The following HIVEP1 variants were observed in gnomAD, a reference collection of about 807,000 sequenced individuals.
The protein encoded by HIVEP1 is HIVEP zinc finger 1, also known as zinc finger protein 40.
HIVEP1 carries 36 observed loss-of-function variants against 180.0 expected under a neutral mutation model. That is an observed-to-expected ratio of 0.20 (90% CI 0.15 to 0.26). The LOEUF (loss-of-function observed/expected upper bound fraction) is 0.26. Among genes scored for constraint, HIVEP1 ranks in the 10% least tolerant of loss-of-function variants. The pLI, the probability that HIVEP1 is intolerant of heterozygous loss-of-function variation, is 1.00. For missense variants in HIVEP1, 3,143 were observed against 3,268.7 expected (o/e 0.96, Z 0.94); for synonymous variants, 1,239 against 1,239.0 (o/e 1.00, Z 0.00).
intron 7 of HIVEP1, among the ~76,000 whole-genome samples, chr6:12,159,850 G>GTGATAAATAATAA (rs1760292959): frequency 6.6e-6 from 1 of 152,188 alleles, no homozygotes; most frequent in South Asian, 2.1e-4. Flanking sequence ...GCACACGTTT[G>GTGATAAATAATAA]TGATAAATAA....
intron 2 of HIVEP1, among the ~76,000 whole-genome samples, chr6:12,039,954 G>C (rs1769561541): frequency 6.6e-6 from 1 of 152,180 alleles, no homozygotes; most frequent in Non-Finnish European, 1.5e-5. Flanking sequence ...TGGCTGCCCT[G>C]CTGAGCAGGA....
chr6:12,159,110 A>G (rs970649440), intron 7 of HIVEP1, among the ~76,000 whole-genome samples: 3 of 151,956 alleles, frequency 2.0e-5, no homozygotes, highest in Non-Finnish European at 4.4e-5. Flanking sequence ...GTGTCTCCTT[A>G]GATTTTGGGC....
rs1767937463 is a variant in HIVEP1, at chr6:12,018,018, T to TG, written c.40+2356dup. On this transcript the variant is annotated intron_variant, in intron 2 of 8. Transcript: ENST00000379388. ...TGGGGCCGTGCAGGAGCCCATGGCG[T>TG]GGGGGGTGCTTAGGCATGGCGGGCT... Among the ~76,000 whole-genome samples the TG allele has an allele frequency of 3.9e-5, 6 of 152,278 alleles. No homozygotes were observed. In the South Asian group the frequency reaches 8.3e-4, roughly 21 times the overall value.
intron 3 of HIVEP1, among the ~76,000 whole-genome samples, chr6:12,094,528 A>G (rs865895604): frequency 2.6e-5 from 4 of 152,106 alleles, no homozygotes; most frequent in Middle Eastern, 3.4e-3. Flanking sequence ...ATTTTTAAAA[A>G]TCATAAATGG....
At chr6:12,191,393 C>T in the HIVEP1 span, among the ~76,000 whole-genome samples, 2 of 152,014 alleles carry the variant, frequency 1.3e-5, no homozygotes, top group African/African-American at 4.8e-5. Flanking sequence ...AGTTCAAGAT[C>T]AGCCTGGGCA....
At chr6:12,077,574 C>T (rs1772451979) in intron 2 of HIVEP1, among the ~76,000 whole-genome samples, 2 of 152,180 alleles carry the variant, frequency 1.3e-5, no homozygotes, top group South Asian at 4.1e-4. Flanking sequence ...GAAGATGGGG[C>T]TGGAGATCCA....
At chr6:12,104,414 C>T (rs1369136255) in intron 3 of HIVEP1, among the ~76,000 whole-genome samples, 5 of 117,830 alleles carry the variant, frequency 4.2e-5, no homozygotes, top group African/African-American at 1.5e-4. Context: ...CTCTCTCTCT[C>T]CTTTTCTTTC....
downstream of HIVEP1, among the ~76,000 whole-genome samples, chr6:12,168,191 CGT>C (rs1562024653): frequency 2.3e-3 from 66 of 29,090 alleles, 5 homozygotes; most frequent in African/African-American, 7.7e-3. Flanking sequence ...TATAGATATA[CGT>C]GTATATATAC....
intron 2 of HIVEP1, among the ~76,000 whole-genome samples, chr6:12,026,689 A>T (rs1768607683): frequency 6.6e-6 from 1 of 152,190 alleles, no homozygotes; most frequent in Non-Finnish European, 1.5e-5. Context: ...AGTATCTTTT[A>T]TGTTAACATT....
chr6:12,101,885 T>C (rs1037466592), intron 3 of HIVEP1, among the ~76,000 whole-genome samples: 2 of 151,906 alleles, frequency 1.3e-5, no homozygotes, highest in Non-Finnish European at 2.9e-5. Flanking sequence ...GACACAAATA[T>C]ATTGAAAGTG....
At chr6:12,088,629 T>C (rs1327336761) in intron 2 of HIVEP1, among the ~76,000 whole-genome samples, 1 of 152,100 alleles carries the variant, frequency 6.6e-6, no homozygotes. Context: ...GTGAGTTGTG[T>C]ATAGTACCTC....
intron 2 of HIVEP1, among the ~76,000 whole-genome samples, chr6:12,069,916 T>A (rs1341970314): frequency 6.6e-6 from 1 of 152,036 alleles, no homozygotes; most frequent in African/African-American, 2.4e-5. Flanking sequence ...TTTCTATTTT[T>A]AGAATTATTA....
intron 2 of HIVEP1, among the ~76,000 whole-genome samples, chr6:12,087,285 A>C (rs1270478541): frequency 6.6e-6 from 1 of 152,104 alleles, no homozygotes; most frequent in African/African-American, 2.4e-5. Flanking sequence ...GCCAAACTTC[A>C]ATTACTTAAC....
chr6:12,013,208 TC>T (rs66666410), intron 1 of HIVEP1, among the ~76,000 whole-genome samples: 102,824 of 152,006 alleles, frequency 0.68, 35,060 homozygotes, highest in Middle Eastern at 0.9. Flanking sequence ...GCACTTCCAT[TC>T]CCCCCCTCCT....
the HIVEP1 span, among the ~76,000 whole-genome samples, chr6:12,177,676 A>C: frequency 2.6e-5 from 4 of 152,228 alleles, no homozygotes; most frequent in Non-Finnish European, 5.9e-5. Flanking sequence ...AATAACTGAC[A>C]ATCAAATGTC....
intron 2 of HIVEP1, among the ~76,000 whole-genome samples, chr6:12,043,479 A>G (rs534491876): frequency 1.3e-5 from 2 of 149,540 alleles, no homozygotes; most frequent in African/African-American, 4.9e-5. Flanking sequence ...CTCCTGCCTC[A>G]GCCTCCCAAA....
chr6:12,186,372 A>G, the HIVEP1 span, among the ~76,000 whole-genome samples: 2 of 151,934 alleles, frequency 1.3e-5, no homozygotes, highest in African/African-American at 2.4e-5. Context: ...AATGTCTAGA[A>G]AAGACAAACT....
At chr6:12,055,837 TG>T (rs1196377899) in intron 2 of HIVEP1, among the ~76,000 whole-genome samples, 1 of 152,222 alleles carries the variant, frequency 6.6e-6, no homozygotes, top group African/African-American at 2.4e-5. Context: ...TAAACGTGCT[TG>T]GTCCATAAAG....
chr6:12,175,834 G>A, the HIVEP1 span, among the ~76,000 whole-genome samples: 13 of 152,152 alleles, frequency 8.5e-5, no homozygotes, highest in African/African-American at 1.4e-4. Context: ...TAGATGACGC[G>A]GCACCATCCA....
Sources: allele counts gnomAD v4.1 joint callset (sites outside exome capture counted in the v4.1 genomes callset), GRCh38; gene constraint gnomAD v4.1.1; transcripts MANE v1.5; gene names NCBI Gene and HGNC (gene_info 2026-07-23, HGNC 2026-07-21).